CCDC171: variants seen among roughly 807,000 people sequenced by gnomAD.
CCDC171 encodes the protein coiled-coil domain-containing protein 171.
A neutral mutation model predicts 168.2 loss-of-function variants in CCDC171; 177 were observed. That is an observed-to-expected ratio of 1.05 (90% CI 0.93 to 1.19). The LOEUF is 1.19. CCDC171 is among the 50% of genes most tolerant of loss of function. CCDC171 has a pLI of 0.00. For synonymous variants in CCDC171, 687 were observed against 540.8 expected (o/e 1.27, Z -3.75); for missense variants, 1,991 against 1,539.0 (o/e 1.29, Z -4.91).
chr9:15,622,676 T>C (rs574731332), intron 6 of CCDC171, among the ~76,000 whole-genome samples: 2 of 152,308 alleles, frequency 1.3e-5, no homozygotes, highest in South Asian at 2.1e-4. Flanking sequence ...CTGTGTTTAG[T>C]TGGGAAAGGG....
rs144552624 is a variant in CCDC171, at chr9:16,053,454, T to C, written n.90-7192T>C. On this transcript the variant is annotated intron_variant and non_coding_transcript_variant, in intron 1 of 1. Coordinates refer to the CCDC171 transcript ENST00000478913. ...CATGTCAGCCCTGCCACTTACATGCTCTGTGTCTAGTCAGGTTACTGGACC... is the reference window on the plus strand; with the variant it reads ...CATGTCAGCCCTGCCACTTACATGCCCTGTGTCTAGTCAGGTTACTGGACC... Among the ~76,000 whole-genome samples the C allele has an allele frequency of 1.2e-3, 176 of 152,364 alleles. 1 individual carries two copies. The highest frequency in any genetic ancestry group is 3.9e-3 in the African/African-American group (164 of 41,576).
At chr9:15,958,412 A>G (rs1180582751) in intron 25 of CCDC171, among the ~76,000 whole-genome samples, 1 of 151,860 alleles carries the variant, frequency 6.6e-6, no homozygotes, top group Non-Finnish European at 1.5e-5. Context: ...AAATAGCTAC[A>G]TGTGGCTACC....
chr9:15,603,862 C>G (rs2043038975), intron 6 of CCDC171, among the ~76,000 whole-genome samples: 3 of 152,186 alleles, frequency 2.0e-5, no homozygotes, highest in Admixed American at 2.0e-4. Flanking sequence ...AATTTACATT[C>G]CCACCAACAC....
intron 20 of CCDC171, 50 bp from the exon 21 acceptor site, chr9:15,784,459 A>G (rs933734951): frequency 2.4e-6 from 3 of 1,243,072 alleles, no homozygotes; most frequent in Non-Finnish European, 3.5e-6. Context: ...AAATGATACA[A>G]CAATGCAGTT....
chr9:15,912,163 G>C (rs1383895329), intron 24 of CCDC171, among the ~76,000 whole-genome samples: 2 of 152,184 alleles, frequency 1.3e-5, no homozygotes, highest in African/African-American at 4.8e-5. Flanking sequence ...TCATGGTATT[G>C]ATTCTTCCTA....
In CCDC171 at chr9:15,727,856, T is replaced by G; in HGVS notation, c.1693-13T>G. The G allele has an allele frequency of 6.3e-7, 1 of 1,595,600 alleles. No homozygotes were observed. ...ATATACAGCAATTAATTTTTCTTTT[T>G]TTTTTCCTGCAGGAGAAGCTAACCT... On this transcript the variant is annotated splice_polypyrimidine_tract_variant and intron_variant, in intron 14 of 25. Coordinates refer to ENST00000380701, the MANE Select transcript of CCDC171 (RefSeq NM_173550.4).
intron 7 of CCDC171, among the ~76,000 whole-genome samples, chr9:15,627,803 G>T (rs1361341948): frequency 6.6e-6 from 1 of 152,196 alleles, no homozygotes; most frequent in Non-Finnish European, 1.5e-5. Context: ...TGTTGATTTT[G>T]CATGGAGAGT....
chr9:15,655,896 C>T (rs1442969249), intron 7 of CCDC171, among the ~76,000 whole-genome samples: 3 of 152,098 alleles, frequency 2.0e-5, no homozygotes, highest in African/African-American at 7.2e-5. Context: ...TATAAAACCT[C>T]AAGAAACCAA....
intron 8 of CCDC171, among the ~76,000 whole-genome samples, chr9:15,665,636 C>G (rs867230742): frequency 2.6e-5 from 4 of 152,016 alleles, no homozygotes; most frequent in African/African-American, 9.7e-5. Context: ...AAACAATTAG[C>G]TGGGTGTGGT....
At chr9:16,029,796 G>A (rs938395328) in intron 6 of CCDC171, among the ~76,000 whole-genome samples, 6 of 152,164 alleles carry the variant, frequency 3.9e-5, no homozygotes, top group Admixed American at 1.3e-4. Flanking sequence ...ATAGTCTGAG[G>A]TTTCAATGAC....
At chr9:15,825,823 T>A (rs894421598) in intron 21 of CCDC171, among the ~76,000 whole-genome samples, 1 of 152,196 alleles carries the variant, frequency 6.6e-6, no homozygotes, top group African/African-American at 2.4e-5. Context: ...TATAATTTAC[T>A]AGTTGAAGTT....
chr9:15,897,513 C>G (rs749871532), intron 24 of CCDC171, among the ~76,000 whole-genome samples: 3 of 151,902 alleles, frequency 2.0e-5, no homozygotes, highest in Admixed American at 2.0e-4. Flanking sequence ...ATGAAGTTCC[C>G]AAGAAAATAT....
At chr9:15,557,951 T>C (rs10738401) in intron 1 of CCDC171, among the ~76,000 whole-genome samples, 1 of 151,638 alleles carries the variant, frequency 6.6e-6, no homozygotes, top group Non-Finnish European at 1.5e-5. Flanking sequence ...GCATGAAGTG[T>C]TGTTGAATTT....
At chr9:15,678,330 G>C (rs1322174022) in intron 9 of CCDC171, among the ~76,000 whole-genome samples, 1 of 152,018 alleles carries the variant, frequency 6.6e-6, no homozygotes, top group Admixed American at 6.6e-5. Flanking sequence ...CCACCACACT[G>C]GTTCTACTTG....
At chr9:15,585,777 A>G (rs1396357776) in intron 4 of CCDC171, among the ~76,000 whole-genome samples, 2 of 152,148 alleles carry the variant, frequency 1.3e-5, no homozygotes, top group African/African-American at 4.8e-5. Context: ...CAGGAATTCA[A>G]GACCATCCTG....
At chr9:15,557,884 G>T (rs201304311) in intron 1 of CCDC171, among the ~76,000 whole-genome samples, 4 of 151,880 alleles carry the variant, frequency 2.6e-5, no homozygotes, top group Admixed American at 2.6e-4. Context: ...TTGTCATAAA[G>T]AGCTCTTATT....
chr9:15,810,387 C>T (rs1050858685), intron 21 of CCDC171, among the ~76,000 whole-genome samples: 9 of 151,784 alleles, frequency 5.9e-5, no homozygotes, highest in African/African-American at 2.2e-4. Flanking sequence ...CAGTCCCACA[C>T]TGTGTGCCTG....
intron 21 of CCDC171, among the ~76,000 whole-genome samples, chr9:15,830,492 G>A (rs1221177194): frequency 2.6e-5 from 4 of 152,158 alleles, no homozygotes; most frequent in Admixed American, 6.5e-5. Context: ...TATAACAGCT[G>A]CCTGGCCTTT....
chr9:15,952,403 C>G (rs1345316675), intron 25 of CCDC171, among the ~76,000 whole-genome samples: 1 of 151,860 alleles, frequency 6.6e-6, no homozygotes, highest in Non-Finnish European at 1.5e-5. Flanking sequence ...ATGGATTTTG[C>G]TTTGTTTTTT....
Sources: gnomAD v4.1 joint callset for allele counts (sites outside exome capture counted in the v4.1 genomes callset) on GRCh38, gnomAD v4.1.1 for gene constraint, MANE v1.5 for transcripts, NCBI Gene and HGNC (gene_info 2026-07-23, HGNC 2026-07-21) for gene names.